Variants in LIPG observed in about 807,000 individuals in gnomAD.
LIPG encodes endothelial lipase.
Under a neutral mutation model 51.8 loss-of-function variants are expected in LIPG, and 34 were observed. The observed-to-expected ratio is 0.66, with a 90% CI of 0.50 to 0.87. LIPG has a LOEUF of 0.87. LIPG is among the 40% of genes least tolerant of loss of function. The pLI is 0.00. For synonymous variants in LIPG, 246 were observed against 246.1 expected (o/e 1.00, Z 0.00); for missense variants, 580 against 652.7 (o/e 0.89, Z 1.21).
chr18:49,577,916 T>G (rs200474143), intron 5 of LIPG, among the ~76,000 whole-genome samples: 1,606 of 59,942 alleles, frequency 0.027, no homozygotes, highest in African/African-American at 0.029. Context: ...CCAGTAGGGG[T>G]GGGCGGGCAG....
intron 5 of LIPG, among the ~76,000 whole-genome samples, chr18:49,578,626 C>T (rs1268066746): frequency 3.5e-4 from 53 of 151,684 alleles, no homozygotes; most frequent in Non-Finnish European, 1.3e-4. Context: ...GGGGTGGCGG[C>T]CGGGCAGAGG....
chr18:49,583,889 G>A (rs1381615472), intron 8 of LIPG, 115 bp downstream of exon 8: 1 of 955,854 alleles, frequency 1.0e-6, no homozygotes, highest in Admixed American at 2.5e-5. Context: ...CCAGCATGCA[G>A]GTAAAACTTC....
intron 8 of LIPG, among the ~76,000 whole-genome samples, chr18:49,584,527 G>A (rs981263139): frequency 4.6e-5 from 7 of 152,224 alleles, no homozygotes; most frequent in Non-Finnish European, 8.8e-5. Flanking sequence ...CTCTACAGAG[G>A]TCACTGCCAG....
In LIPG at chr18:49,593,693, A is replaced by C. The variant is rs1046241544; in HGVS notation, c.*3171A>C. On this transcript the variant is annotated 3_prime_UTR_variant, in exon 10 of 10. Transcript: ENST00000261292. ...ACAGCCCAGGGGTCCCCTACCAGCC[A>C]ATGGAAAGCCAGAAAAGGGAAGGGA... The C allele has an allele frequency of 1.3e-5, 2 of 152,220 alleles. No homozygotes were observed. Among genetic ancestry groups the C allele is most frequent in the African/African-American group, 4.8e-5 (2 of 41,454 alleles). 9.4% of individuals were successfully genotyped at this position (152,220 alleles called of 1,614,324 possible).
At position 49,575,379 on chromosome 18, in the gene LIPG, T is replaced by G; in HGVS notation, c.582T>G (p.Pro194=). 1 of 1,612,644 alleles carries G rather than the reference T, an allele frequency of 6.2e-7. No individual in the cohort carries two copies. The highest frequency in any genetic ancestry group is 1.1e-5 in the South Asian group (1 of 91,008). ...CTCCTTCTGCTGCAGGTTTGGATCC[T>G]GCCGGGCCCATGTTTGAAGGGGCCG... The part of the protein sequence containing the change: ...GTVGRITGLD[P]AGPMFEGADI... The change falls in exon 5 of 10, where the codon CCT becomes CCG. Residue 194 remains proline, a synonymous_variant. Transcript: ENST00000261292.
chr18:49,574,338 G>A (rs2084692925), intron 4 of LIPG, among the ~76,000 whole-genome samples: 1 of 152,026 alleles, frequency 6.6e-6, no homozygotes, highest in Non-Finnish European at 1.5e-5. Flanking sequence ...TTCAATATTT[G>A]GCCCACAGAA....
At chr18:49,578,671 C>T (rs1488830107) in intron 5 of LIPG, among the ~76,000 whole-genome samples, 3 of 150,190 alleles carry the variant, frequency 2.0e-5, no homozygotes, top group African/African-American at 7.3e-5. Flanking sequence ...CCAAGGCAGG[C>T]GGCTGGGAGG....
At chr18:49,561,900 C>CA (rs1568524067), upstream of LIPG, 5 of 1,328,188 alleles carry the variant, frequency 3.8e-6, no homozygotes, top group South Asian at 1.3e-4. Flanking sequence ...GGTGAGTGTG[C>CA]AGCGCTTTCA....
chr18:49,578,824 CG>C (rs1461458601), intron 5 of LIPG, among the ~76,000 whole-genome samples: 2 of 151,102 alleles, frequency 1.3e-5, no homozygotes, highest in East Asian at 2.0e-4. Flanking sequence ...GGCTGGAGAC[CG>C]GCCCGGCCAA....
At position 49,597,394 on chromosome 18, in the gene LIPG, G is replaced by A. The variant is rs960197689; in HGVS notation, c.*6872G>A. On this transcript the variant is annotated 3_prime_UTR_variant, in exon 10 of 10. Coordinates refer to ENST00000261292, the MANE Select transcript of LIPG (RefSeq NM_006033.4). ...CCATAGAGAGGTGAAGAGAGGTGTC[G>A]GTGCCCTCTTTTGTAACTGTGGGTT... 1.3e-5 allele frequency: 2 copies of A among 152,132 alleles called. No homozygotes were observed. Among genetic ancestry groups the A allele is most frequent in the Admixed American group, 6.5e-5 (1 of 15,278 alleles). 9.4% of individuals were successfully genotyped at this position (152,132 alleles called of 1,614,324 possible). A position where few individuals can be genotyped will look rare whatever the true frequency, so the allele number is the denominator to read the frequency against.
chr18:49,573,851 G>A (rs537368146), intron 4 of LIPG, among the ~76,000 whole-genome samples: 51 of 152,040 alleles, frequency 3.4e-4, no homozygotes, highest in Admixed American at 1.2e-3. Context: ...TTGGTGTTTC[G>A]AGGCCAGGTT....
At chr18:49,582,251 C>T (rs756949057) in intron 6 of LIPG, 111 bp from the exon 7 acceptor site, 224 of 1,414,822 alleles carry the variant, frequency 1.6e-4, no homozygotes, top group Non-Finnish European at 2.2e-4. Context: ...CTGGGCTCAA[C>T]CAAAAGAACA....
intron 5 of LIPG, among the ~76,000 whole-genome samples, chr18:49,576,725 C>T (rs2084723139): frequency 6.6e-6 from 1 of 152,032 alleles, no homozygotes; most frequent in Non-Finnish European, 1.5e-5. Flanking sequence ...TCTGCCTCGG[C>T]CTCCCAAAGT....
In LIPG at chr18:49,569,516, A is replaced by C. The variant is rs2084641455; in HGVS notation, c.539A>C (p.Asn180Thr). 8 of 1,614,206 alleles carry C rather than the reference A, an allele frequency of 5.0e-6. No homozygotes were observed. The highest frequency in any genetic ancestry group is 6.8e-6 in the Non-Finnish European group (8 of 1,180,034). Residue 180 changes from asparagine to threonine, a missense_variant, in exon 4 of 10, where the codon AAC (asparagine) becomes ACC (threonine). By Grantham distance (65) the Asn-to-Thr change is moderately conservative (BLOSUM62 0). Coordinates refer to ENST00000261292, the MANE Select transcript of LIPG (RefSeq NM_006033.4). ...GCGCACGTGGCCGGGTATGCAGGCA[A>C]CTTCGTGAAAGGAACGGTGGGCCGA... ...LGAHVAGYAG[N>T]FVKGTVGRIT...
chr18:49,583,856 G>T, intron 8 of LIPG, 82 bp downstream of exon 8: 1 of 1,262,754 alleles, frequency 7.9e-7, no homozygotes, highest in Non-Finnish European at 1.1e-6. Context: ...TTCCTTTGCT[G>T]CATCTACCCT....
At chr18:49,588,766 AC>A (rs2084911323) in intron 9 of LIPG, among the ~76,000 whole-genome samples, 1 of 152,178 alleles carries the variant, frequency 6.6e-6, no homozygotes, top group Non-Finnish European at 1.5e-5. Flanking sequence ...ATCCTGGGGA[AC>A]AGCCACACGC....
In LIPG at chr18:49,587,718, C is replaced by T. The variant is rs542413766; in HGVS notation, c.1481+868C>T. Among the ~76,000 whole-genome samples the T allele has an allele frequency of 3.3e-5, 5 of 152,102 alleles. No individual in the cohort carries two copies. The South Asian group carries it at 1.0e-3, about 32-fold the overall frequency. On this transcript the variant is annotated intron_variant, in intron 9 of 9. Coordinates refer to ENST00000261292, the MANE Select transcript of LIPG (RefSeq NM_006033.4). Reference sequence around the variant, plus strand: ...CCTGTAGGGGTTCATTGTACATGACCCTACTGGCATGAGATCTTCTCTGTA... The same window carrying T: ...CCTGTAGGGGTTCATTGTACATGACTCTACTGGCATGAGATCTTCTCTGTA...
Position 49,596,817 on chromosome 18 carries a change from T to A in LIPG, c.*6295T>A, listed in dbSNP as rs2084985403. The A allele has an allele frequency of 6.6e-6, 1 of 152,308 alleles. No individual in the cohort carries two copies. The highest frequency in any genetic ancestry group is 6.6e-5 in the Admixed American group (1 of 15,228). The allele number at this position is 152,308 out of a possible 1,614,324, so 9.4% of individuals were successfully genotyped here. On this transcript the variant is annotated 3_prime_UTR_variant, in exon 10 of 10. Transcript: ENST00000261292. ...CATATTGTCATGTAGCTCCAAGTAT[T>A]TCCCCCCCTCATATCCCTCAAGTGC... is the stretch of plus-strand genomic sequence containing the variant.
intron 4 of LIPG, among the ~76,000 whole-genome samples, chr18:49,574,283 A>G (rs2084692513): frequency 6.6e-6 from 1 of 152,130 alleles, no homozygotes; most frequent in Admixed American, 6.6e-5. Flanking sequence ...TAAGGTATAA[A>G]TTCAGGTTCC....
Sources: allele counts gnomAD v4.1 joint callset (sites outside exome capture counted in the v4.1 genomes callset), GRCh38; gene constraint gnomAD v4.1.1; transcripts MANE v1.5; gene names NCBI Gene and HGNC (gene_info 2026-07-23, HGNC 2026-07-21).